Variants in SEMA3A observed in about 807,000 individuals in gnomAD.
The protein encoded by SEMA3A is semaphorin-3A.
Under a neutral mutation model 97.9 loss-of-function variants are expected in SEMA3A, and 29 were observed. The observed-to-expected ratio is 0.30, with a 90% confidence interval of 0.22 to 0.40. SEMA3A has a LOEUF of 0.40. Among genes scored for constraint, SEMA3A ranks in the 10% least tolerant of loss-of-function variants. The probability of loss-of-function intolerance (pLI) is 1.00; values close to 1 mark genes in which losing one functional copy is unlikely to be tolerated. For missense variants in SEMA3A, 763 were observed against 951.3 expected (o/e 0.80, Z 2.60); for synonymous variants, 321 against 323.7 (o/e 0.99, Z 0.09).
chr7:83,980,390 A>C (rs1789341909), intron 14 of SEMA3A, among the ~76,000 whole-genome samples: 1 of 151,762 alleles, frequency 6.6e-6, no homozygotes, highest in African/African-American at 2.4e-5. Flanking sequence ...GAGGATCACG[A>C]GGTTAGGAGA....
At chr7:84,261,141 C>G (rs566959438) in intron 3 of SEMA3A, among the ~76,000 whole-genome samples, 1 of 152,158 alleles carries the variant, frequency 6.6e-6, no homozygotes, top group Non-Finnish European at 1.5e-5. Context: ...AAAGGAGCTA[C>G]CCACTCAGGG....
chr7:84,161,102 A>C (rs1039588387), intron 1 of SEMA3A, among the ~76,000 whole-genome samples: 3 of 151,858 alleles, frequency 2.0e-5, no homozygotes, highest in Admixed American at 1.3e-4. Context: ...GTGGTGTCTC[A>C]TGCCTGTAAT....
chr7:84,090,498 C>A (rs985429535), intron 4 of SEMA3A, among the ~76,000 whole-genome samples: 1 of 151,822 alleles, frequency 6.6e-6, no homozygotes, highest in Non-Finnish European at 1.5e-5. Flanking sequence ...AAAGAGTCAA[C>A]CTAAATGCAA....
chr7:84,410,394 T>C (rs2116247638), intron 1 of SEMA3A, among the ~76,000 whole-genome samples: 2 of 152,272 alleles, frequency 1.3e-5, no homozygotes, highest in Admixed American at 1.3e-4. Flanking sequence ...TACATGGCTA[T>C]GTTTTCTACT....
chr7:84,147,540 AG>A (rs771974045), intron 1 of SEMA3A, among the ~76,000 whole-genome samples: 31 of 152,176 alleles, frequency 2.0e-4, no homozygotes, highest in Non-Finnish European at 2.9e-4. Flanking sequence ...GAGATCACTT[AG>A]ACATACTCAA....
chr7:84,282,752 G>T (rs1800473949), intron 3 of SEMA3A, among the ~76,000 whole-genome samples: 1 of 152,092 alleles, frequency 6.6e-6, no homozygotes, highest in Non-Finnish European at 1.5e-5. Context: ...AGTGGCTCAT[G>T]CCTGTAATCC....
At chr7:84,428,357 T>TA (rs1274558158) in intron 1 of SEMA3A, among the ~76,000 whole-genome samples, 1 of 152,070 alleles carries the variant, frequency 6.6e-6, no homozygotes, top group Non-Finnish European at 1.5e-5. Flanking sequence ...TTAAAGATAG[T>TA]AAAAAACAAG....
chr7:84,291,342 C>T (rs920177914), intron 3 of SEMA3A, among the ~76,000 whole-genome samples: 4 of 151,462 alleles, frequency 2.6e-5, no homozygotes, highest in Admixed American at 6.6e-5. Flanking sequence ...TATATTTTAC[C>T]CATTATTCCA....
At chr7:84,104,234 ATATAT>A (rs761045404) in intron 4 of SEMA3A, among the ~76,000 whole-genome samples, 29 of 152,116 alleles carry the variant, frequency 1.9e-4, no homozygotes, top group Non-Finnish European at 4.0e-4. Flanking sequence ...ACTATAGATA[ATATAT>A]TATTTTAATA....
chr7:84,040,550 C>G (rs961563892), intron 6 of SEMA3A, among the ~76,000 whole-genome samples: 18 of 152,098 alleles, frequency 1.2e-4, no homozygotes, highest in Admixed American at 1.2e-3. Flanking sequence ...TGCAAACAGG[C>G]TTCTGTTTTC....
intron 2 of SEMA3A, among the ~76,000 whole-genome samples, chr7:84,370,909 A>T (rs574813559): frequency 6.6e-6 from 1 of 151,554 alleles, no homozygotes; most frequent in East Asian, 1.9e-4. Flanking sequence ...TGAAACTACT[A>T]ATTCATTTAT....
intron 1 of SEMA3A, among the ~76,000 whole-genome samples, chr7:84,152,342 C>A: frequency 7.3e-6 from 1 of 137,294 alleles, no homozygotes; most frequent in East Asian, 2.2e-4. Context: ...CACATATACA[C>A]CATGGAATAC....
At chr7:84,169,661 T>G (rs1797325027) in intron 1 of SEMA3A, among the ~76,000 whole-genome samples, 1 of 151,456 alleles carries the variant, frequency 6.6e-6, no homozygotes, top group Admixed American at 6.6e-5. Flanking sequence ...CCAAATACCA[T>G]TTCTTTGTTG....
At chr7:84,375,966 T>C (rs1432403415) in intron 1 of SEMA3A, among the ~76,000 whole-genome samples, 4 of 152,176 alleles carry the variant, frequency 2.6e-5, no homozygotes, top group Non-Finnish European at 5.9e-5. Context: ...GCCTGACTTA[T>C]TTCACTTAAC....
intron 2 of SEMA3A, among the ~76,000 whole-genome samples, chr7:84,340,128 A>C (rs1584250416): frequency 6.6e-6 from 1 of 152,304 alleles, no homozygotes; most frequent in East Asian, 1.9e-4. Context: ...TCCTATAAAG[A>C]AAAAGAAATA....
chr7:84,041,259 A>C (rs888776251), intron 6 of SEMA3A, among the ~76,000 whole-genome samples: 4 of 152,124 alleles, frequency 2.6e-5, no homozygotes, highest in African/African-American at 9.7e-5. Context: ...TGTCCTTGAT[A>C]AAGGATATCA....
At chr7:84,438,466 G>T (rs1805190248) in intron 1 of SEMA3A, among the ~76,000 whole-genome samples, 1 of 152,018 alleles carries the variant, frequency 6.6e-6, no homozygotes, top group South Asian at 2.1e-4. Flanking sequence ...AGTAAGTATG[G>T]TAGTTACATA....
At chr7:84,348,690 C>T (rs1370020061) in intron 2 of SEMA3A, among the ~76,000 whole-genome samples, 2 of 152,026 alleles carry the variant, frequency 1.3e-5, no homozygotes, top group Admixed American at 1.3e-4. Context: ...TTTCCATAAA[C>T]GTTCTGTATT....
chr7:84,211,773 G>C (rs776198223), intron 3 of SEMA3A, among the ~76,000 whole-genome samples: 2 of 152,182 alleles, frequency 1.3e-5, no homozygotes, highest in Admixed American at 6.5e-5. Context: ...AGAGTAACAA[G>C]TTTGTATTTT....
Sources: gnomAD v4.1 joint callset for allele counts (sites outside exome capture counted in the v4.1 genomes callset) on GRCh38, gnomAD v4.1.1 for gene constraint, MANE v1.5 for transcripts, NCBI Gene and HGNC (gene_info 2026-07-23, HGNC 2026-07-21) for gene names.